RPS6KA6: variants seen among roughly 807,000 people sequenced by gnomAD.
RPS6KA6 encodes the protein ribosomal protein S6 kinase A6.
Under a neutral mutation model 65.4 loss-of-function variants are expected in RPS6KA6, and 27 were observed. That is an observed-to-expected ratio of 0.41 (90% CI 0.30 to 0.57). The LOEUF (loss-of-function observed/expected upper bound fraction) is 0.57, where lower values mean the gene tolerates loss of function less well. Among genes scored for constraint, RPS6KA6 ranks in the 20% least tolerant of loss-of-function variants. RPS6KA6 has a pLI of 0.24. For synonymous variants in RPS6KA6, 190 were observed against 184.2 expected (o/e 1.03, Z -0.26); for missense variants, 486 against 555.6 (o/e 0.87, Z 1.26).
intron 6 of RPS6KA6, among the ~76,000 whole-genome samples, chrX:84,137,089 T>C (rs1179155233): frequency 8.9e-6 from 1 of 111,989 alleles, no homozygotes; most frequent in Admixed American, 9.5e-5. Flanking sequence ...AAAATTATCC[T>C]AAACTCCAGT....
In RPS6KA6 at chrX:84,059,453, C is replaced by T. The variant is rs1394540097; in HGVS notation, c.*4824G>A. 1 of 111,238 alleles carries T rather than the reference C, an allele frequency of 9.0e-6. No individual in the cohort carries two copies. The highest frequency in any genetic ancestry group is 1.9e-5 in the Non-Finnish European group (1 of 53,091). The allele number at this position is 111,238 out of a possible 1,213,427, so 9.2% of individuals were successfully genotyped here. A position where few individuals can be genotyped will look rare whatever the true frequency, so the allele number is the denominator to read the frequency against. On this transcript the variant is annotated 3_prime_UTR_variant, in exon 22 of 22. Transcript: ENST00000262752. ...CGGCTGTTTCTTGATAGACTGCTTT[C>T]CTGCTGTTAAAAATAATTTTATCAT...
At chrX:84,124,138 G>A (rs2034731503) in intron 8 of RPS6KA6, among the ~76,000 whole-genome samples, 1 of 111,422 alleles carries the variant, frequency 9.0e-6, no homozygotes, top group Non-Finnish European at 1.9e-5. Flanking sequence ...TGGGCTTGGG[G>A]TTCAACTCCC....
chrX:84,176,816 G>GA (rs2035776809), intron 1 of RPS6KA6, among the ~76,000 whole-genome samples: 1 of 111,411 alleles, frequency 9.0e-6, no homozygotes, highest in Admixed American at 9.5e-5. Context: ...GAGAATAAAG[G>GA]AAAAAATTTA....
chrX:84,181,982 G>A (rs1204681404), intron 1 of RPS6KA6, among the ~76,000 whole-genome samples: 1 of 107,929 alleles, frequency 9.3e-6, no homozygotes, highest in African/African-American at 3.4e-5. Flanking sequence ...TTGGTAAAAT[G>A]AAGCAAATCA....
At position 84,063,246 on chromosome X, in the gene RPS6KA6, G is replaced by A. The variant is rs2033330380; in HGVS notation, c.*1031C>T. On this transcript the variant is annotated 3_prime_UTR_variant, in exon 22 of 22. Transcript: ENST00000262752. ...ACTGTAATACAATATACTATATCAT[G>A]TGTGCTATATGCACAAGTCCACTAC... 9.0e-6 allele frequency: 1 copy of A among 111,423 alleles called. No individual in the cohort carries two copies. The highest frequency in any genetic ancestry group is 1.9e-5 in the Non-Finnish European group (1 of 53,012). 9.2% of individuals were successfully genotyped at this position (111,423 alleles called of 1,213,427 possible). A position where few individuals can be genotyped will look rare whatever the true frequency, so the allele number is the denominator to read the frequency against.
At chrX:84,087,902 T>C (rs2033960403) in intron 20 of RPS6KA6, among the ~76,000 whole-genome samples, 2 of 112,225 alleles carry the variant, frequency 1.8e-5, no homozygotes, top group African/African-American at 6.5e-5. Flanking sequence ...TTCAGAAAGA[T>C]AGTCTTCAAG....
intron 6 of RPS6KA6, among the ~76,000 whole-genome samples, chrX:84,139,615 T>C (rs1036493303): frequency 9.0e-6 from 1 of 111,407 alleles, no homozygotes; most frequent in Non-Finnish European, 1.9e-5. Context: ...GAATCAACAG[T>C]AGCTCTCCCA....
chrX:84,164,191 T>G (rs756614680), intron 2 of RPS6KA6, 137 bp downstream of exon 2: 2 of 489,125 alleles, frequency 4.1e-6, no homozygotes, highest in South Asian at 6.3e-5. Flanking sequence ...AAACTGCAGT[T>G]GAGTTATTAA....
At chrX:84,156,782 A>G (rs1036573027) in intron 2 of RPS6KA6, among the ~76,000 whole-genome samples, 8 of 111,624 alleles carry the variant, frequency 7.2e-5, no homozygotes, top group South Asian at 7.4e-4. Flanking sequence ...AAGCAGAAAG[A>G]AAGCCACCCA....
chrX:84,071,325 A>G (rs1200385902), intron 20 of RPS6KA6, among the ~76,000 whole-genome samples: 3 of 112,064 alleles, frequency 2.7e-5, no homozygotes, highest in Non-Finnish European at 3.8e-5. Flanking sequence ...ATCAGGACTC[A>G]CACAGGTGGG....
At chrX:84,139,468 A>T (rs185460347) in intron 6 of RPS6KA6, among the ~76,000 whole-genome samples, 1 of 111,940 alleles carries the variant, frequency 8.9e-6, no homozygotes, top group East Asian at 2.8e-4. Context: ...TATACCAATA[A>T]CACACCCTAT....
intron 20 of RPS6KA6, among the ~76,000 whole-genome samples, chrX:84,067,208 A>G (rs1403779737): frequency 8.9e-6 from 1 of 111,899 alleles, no homozygotes; most frequent in Non-Finnish European, 1.9e-5. Flanking sequence ...AAAAAATAGA[A>G]TGCCTATTTT....
At chrX:84,066,787 G>A (rs2033414623) in intron 20 of RPS6KA6, among the ~76,000 whole-genome samples, 1 of 111,923 alleles carries the variant, frequency 8.9e-6, no homozygotes. Context: ...GGGACAGACT[G>A]CCTCCTAAAG....
chrX:84,138,224 T>C (rs5016633), intron 6 of RPS6KA6, among the ~76,000 whole-genome samples: 13,563 of 111,220 alleles, frequency 0.12, 801 homozygotes, highest in East Asian at 0.52. Context: ...CAGGATATTT[T>C]TGGGCTATAC....
At chrX:84,173,092 G>A (rs1028869954) in intron 1 of RPS6KA6, among the ~76,000 whole-genome samples, 3 of 110,202 alleles carry the variant, frequency 2.7e-5, no homozygotes, top group African/African-American at 9.9e-5. Flanking sequence ...CTTTAAAATG[G>A]TTAAGATGGC....
chrX:84,090,746 T>C (rs1339457958), intron 20 of RPS6KA6, among the ~76,000 whole-genome samples: 1 of 111,910 alleles, frequency 8.9e-6, no homozygotes, highest in African/African-American at 3.3e-5. Context: ...GTTGTCTCCC[T>C]TGACACATGG....
At chrX:84,169,909 G>T (rs1441878357) in intron 1 of RPS6KA6, among the ~76,000 whole-genome samples, 1 of 111,078 alleles carries the variant, frequency 9.0e-6, no homozygotes, top group Non-Finnish European at 1.9e-5. Context: ...TGTGGCTCAT[G>T]CCTGTAATCC....
chrX:84,141,173 A>T (rs1291705635), intron 6 of RPS6KA6, among the ~76,000 whole-genome samples: 1 of 111,468 alleles, frequency 9.0e-6, no homozygotes, highest in Non-Finnish European at 1.9e-5. Context: ...TGCAAGTATG[A>T]TTCCATTGAA....
chrX:84,068,261 G>A (rs905576053), intron 20 of RPS6KA6, among the ~76,000 whole-genome samples: 7 of 111,633 alleles, frequency 6.3e-5, no homozygotes, highest in African/African-American at 9.8e-5. Flanking sequence ...AAATTCACAC[G>A]TAACAATATT....
Sources: gnomAD v4.1 joint callset for allele counts (sites outside exome capture counted in the v4.1 genomes callset) on GRCh38, gnomAD v4.1.1 for gene constraint, MANE v1.5 for transcripts, NCBI Gene and HGNC (gene_info 2026-07-23, HGNC 2026-07-21) for gene names.